The following CNBD1 variants were observed in gnomAD, a reference collection of about 807,000 sequenced individuals.
The protein encoded by CNBD1 is cyclic nucleotide-binding domain-containing protein 1.
In CNBD1, 71 loss-of-function variants were observed where a neutral mutation model predicts 54.4. That is an observed-to-expected ratio of 1.30 (90% CI 1.08 to 1.59). CNBD1 has a LOEUF of 1.59. CNBD1 is among the 40% of genes most tolerant of loss of function. CNBD1 has a pLI of 0.00. For synonymous variants in CNBD1, 182 were observed against 170.7 expected (o/e 1.07, Z -0.51); for missense variants, 659 against 518.0 (o/e 1.27, Z -2.64).
Position 87,289,059 on chromosome 8 carries a change from G to A in CNBD1, c.1042+2388G>A, listed in dbSNP as rs146663884. Among the ~76,000 whole-genome samples, 717 of 152,172 alleles carry A rather than the reference G, an allele frequency of 4.7e-3. 2 individuals are homozygous for A. Among genetic ancestry groups the A allele is most frequent in the African/African-American group, 0.016 (678 of 41,542 alleles). On this transcript the variant is annotated intron_variant, in intron 8 of 10. Transcript: ENST00000518476. Reference sequence around the variant, plus strand: ...CAAGATTTAGTTTGAATTTTTATCAGAGAATGTAGAGAATGTAGCTCAAAT... The same window carrying A: ...CAAGATTTAGTTTGAATTTTTATCAAAGAATGTAGAGAATGTAGCTCAAAT...
At chr8:87,099,034 C>CAA (rs11402011) in intron 4 of CNBD1, among the ~76,000 whole-genome samples, 1,057 of 22,986 alleles carry the variant, frequency 0.046, 160 homozygotes, top group East Asian at 0.12. Context: ...GACTGTGTCT[C>CAA]AAAAAAAAAA....
intron 2 of CNBD1, among the ~76,000 whole-genome samples, chr8:87,391,402 G>T (rs1811306852): frequency 6.6e-6 from 1 of 152,076 alleles, no homozygotes; most frequent in Non-Finnish European, 1.5e-5. Context: ...TTTCAGAGTT[G>T]CCAGAACAAT....
At chr8:87,020,837 G>C (rs1809473395) in intron 4 of CNBD1, among the ~76,000 whole-genome samples, 1 of 152,076 alleles carries the variant, frequency 6.6e-6, no homozygotes, top group Non-Finnish European at 1.5e-5. Flanking sequence ...AGCTAGACAT[G>C]ATTTAAGTCC....
rs74929855 is a variant in CNBD1 at position 87,244,056 on chromosome 8, C to A, written c.771+6944C>A. On this transcript the variant is annotated intron_variant, in intron 6 of 10. Transcript: ENST00000518476. ...GTTAAACATGCGCACCCATGAACAG[C>A]CTCAGGTGGTCCTGATGATATCTGC... Among the ~76,000 whole-genome samples, 983 of 152,184 alleles carry A rather than the reference C, an allele frequency of 6.5e-3. 10 individuals are homozygous for A. Among genetic ancestry groups the A allele is most frequent in the African/African-American group, 0.023 (936 of 41,488 alleles).
chr8:86,935,109 C>G (rs1345259246), intron 3 of CNBD1, among the ~76,000 whole-genome samples: 1 of 152,056 alleles, frequency 6.6e-6, no homozygotes. Context: ...GATCTCAGCT[C>G]ACTGCAAGCT....
At chr8:87,354,454 G>C (rs376062473) in intron 10 of CNBD1, among the ~76,000 whole-genome samples, 1 of 151,492 alleles carries the variant, frequency 6.6e-6, no homozygotes, top group Non-Finnish European at 1.5e-5. Flanking sequence ...TGTGCACAAC[G>C]TGCAGGTTTG....
chr8:87,251,559 G>C lies in CNBD1; in HGVS notation c.771+14447G>C, dbSNP rs189605235. Reference sequence around the variant, plus strand: ...GCCAAGATTGCGCCATTGCACTCCAGCCTGTACAACAAGAGCGAAACTCTG... The same window carrying C: ...GCCAAGATTGCGCCATTGCACTCCACCCTGTACAACAAGAGCGAAACTCTG... On this transcript the variant is annotated intron_variant, in intron 6 of 10. Coordinates refer to ENST00000518476, the MANE Select transcript of CNBD1 (RefSeq NM_173538.3). Among the ~76,000 whole-genome samples the C allele has an allele frequency of 2.2e-4, 32 of 147,138 alleles. No individual in the cohort carries two copies. The East Asian group carries it at 6.3e-3, about 29-fold the overall frequency.
At chr8:86,901,198 A>G (rs1808927524) in intron 2 of CNBD1, among the ~76,000 whole-genome samples, 2 of 152,178 alleles carry the variant, frequency 1.3e-5, no homozygotes, top group Admixed American at 6.6e-5. Flanking sequence ...CAATATGCAT[A>G]TTGTATATAT....
chr8:87,193,322 C>A (rs949345812), intron 4 of CNBD1, among the ~76,000 whole-genome samples: 28 of 152,132 alleles, frequency 1.8e-4, no homozygotes, highest in Non-Finnish European at 3.7e-4. Context: ...TTATGTATAG[C>A]TCCCCAAAGA....
intron 4 of CNBD1, among the ~76,000 whole-genome samples, chr8:86,966,809 C>A (rs1241270078): frequency 1.3e-5 from 2 of 152,240 alleles, no homozygotes; most frequent in East Asian, 3.9e-4. Context: ...TTGAGAAGAG[C>A]AAAAGAACAA....
At position 87,382,616 on chromosome 8, in the gene CNBD1, G is replaced by T; in HGVS notation, c.1304-4G>T. ...CTTCTTGTTTGTTTGTTTGCCTTTT[G>T]CAGTGGCCTAGATCTAGAAACAACC... On this transcript the variant is annotated splice_polypyrimidine_tract_variant and splice_region_variant and intron_variant, in intron 10 of 10. Coordinates refer to ENST00000518476, the MANE Select transcript of CNBD1 (RefSeq NM_173538.3). 1 of 1,538,722 alleles carries T rather than the reference G, an allele frequency of 6.5e-7. No homozygotes were observed. The highest frequency in any genetic ancestry group is 8.8e-7 in the Non-Finnish European group (1 of 1,137,050).
intron 4 of CNBD1, among the ~76,000 whole-genome samples, chr8:87,001,699 A>T (rs1182090192): frequency 6.6e-6 from 1 of 152,210 alleles, no homozygotes; most frequent in African/African-American, 2.4e-5. Flanking sequence ...ATTAAGGATG[A>T]ACTCAGCAGA....
intron 6 of CNBD1, among the ~76,000 whole-genome samples, chr8:87,264,965 A>C (rs958144599): frequency 2.6e-5 from 4 of 151,976 alleles, no homozygotes; most frequent in Non-Finnish European, 5.9e-5. Context: ...GTTCACTCTG[A>C]TGGTAGTTTC....
At chr8:87,126,894 T>C (rs928518388) in intron 4 of CNBD1, among the ~76,000 whole-genome samples, 6 of 151,948 alleles carry the variant, frequency 3.9e-5, no homozygotes, top group African/African-American at 1.4e-4. Flanking sequence ...TGAAAAACTA[T>C]TATTTTCTCT....
chr8:87,406,592 G>T (rs577812256), intron 2 of CNBD1, among the ~76,000 whole-genome samples: 1 of 150,774 alleles, frequency 6.6e-6, no homozygotes, highest in Admixed American at 6.6e-5. Flanking sequence ...TGATTCTCCT[G>T]CCTCAGCTTC....
intron 2 of CNBD1, among the ~76,000 whole-genome samples, chr8:86,894,130 C>T (rs1389382539): frequency 5.6e-5 from 7 of 124,480 alleles, no homozygotes; most frequent in Non-Finnish European, 9.6e-5. Context: ...GGCGCAATCT[C>T]GGCTCACTGC....
At chr8:87,294,303 TG>T (rs1808836423) in intron 8 of CNBD1, among the ~76,000 whole-genome samples, 2 of 152,206 alleles carry the variant, frequency 1.3e-5, no homozygotes, top group Admixed American at 1.3e-4. Flanking sequence ...TTCTTTGCAA[TG>T]CTGACAGTCT....
chr8:87,384,050 G>C (rs1811139601), downstream of CNBD1, among the ~76,000 whole-genome samples: 2 of 152,038 alleles, frequency 1.3e-5, no homozygotes, highest in Non-Finnish European at 2.9e-5. Flanking sequence ...AATTAAGAAT[G>C]AGTTATGTTA....
chr8:87,340,568 T>C (rs1586028826), intron 8 of CNBD1, among the ~76,000 whole-genome samples: 1 of 152,264 alleles, frequency 6.6e-6, no homozygotes, highest in East Asian at 1.9e-4. Context: ...CCATAAATCA[T>C]TTAATTTTTC....
Sources: allele counts gnomAD v4.1 joint callset (sites outside exome capture counted in the v4.1 genomes callset), GRCh38; gene constraint gnomAD v4.1.1; transcripts MANE v1.5; gene names NCBI Gene and HGNC (gene_info 2026-07-23, HGNC 2026-07-21).